CAST: variants seen among roughly 807,000 people sequenced by gnomAD.
The protein encoded by CAST is calpastatin.
In CAST, 76 loss-of-function variants were observed where a neutral mutation model predicts 119.6. The observed-to-expected ratio is 0.64, with a 90% confidence interval of 0.53 to 0.77. CAST has a LOEUF of 0.77. CAST is among the 30% of genes least tolerant of loss of function. The probability of loss-of-function intolerance (pLI) is 0.00; values close to 1 mark genes in which losing one functional copy is unlikely to be tolerated. For missense variants in CAST, 953 were observed against 946.5 expected, an observed-to-expected ratio of 1.01 and a Z score of -0.09; for synonymous variants, 319 against 331.6, an observed-to-expected ratio of 0.96 and a Z score of 0.41.
chr5:96,573,878 C>G (rs1480245098), intron 1 of CAST, among the ~76,000 whole-genome samples: 5 of 152,026 alleles, frequency 3.3e-5, no homozygotes, highest in Non-Finnish European at 7.4e-5. Context: ...ATAGTATATT[C>G]TTTGTTTCTG....
At chr5:96,429,709 C>T in the CAST span, among the ~76,000 whole-genome samples, 48,180 of 151,976 alleles carry the variant, frequency 0.32, 8,389 homozygotes, top group African/African-American at 0.47. Flanking sequence ...ATGCGGTATT[C>T]GGTTTTCTGT....
At chr5:96,343,804 A>G in the CAST span, among the ~76,000 whole-genome samples, 1 of 152,202 alleles carries the variant, frequency 6.6e-6, no homozygotes. Context: ...ATTTGATCAA[A>G]CACTGTATTT....
intron 3 of CAST, among the ~76,000 whole-genome samples, chr5:96,719,337 T>A (rs967384633): frequency 6.6e-6 from 1 of 152,162 alleles, no homozygotes; most frequent in Admixed American, 6.5e-5. Flanking sequence ...ATTTTTAAAT[T>A]TTTTGTAGAG....
chr5:96,461,814 G>C, the CAST span, among the ~76,000 whole-genome samples: 90 of 152,220 alleles, frequency 5.9e-4, 1 homozygote, highest in African/African-American at 2.1e-3. Context: ...GCTTTTATTT[G>C]AGAAGTCAGG....
At chr5:96,742,822 G>T in intron 16 of CAST, 66 bp downstream of exon 16, 1 of 1,070,698 alleles carries the variant, frequency 9.3e-7, no homozygotes, top group East Asian at 2.5e-5. Flanking sequence ...AATGCACTCT[G>T]CATGTTTAGA....
chr5:96,530,313 A>G (rs1424082977), intron 1 of CAST, among the ~76,000 whole-genome samples: 1 of 152,174 alleles, frequency 6.6e-6, no homozygotes, highest in African/African-American at 2.4e-5. Context: ...ACAGTATTCC[A>G]GGAAGAGGAA....
chr5:96,065,723 G>A, the CAST span, among the ~76,000 whole-genome samples: 2 of 152,104 alleles, frequency 1.3e-5, no homozygotes, highest in African/African-American at 4.8e-5. Context: ...CCCTGGTTTA[G>A]CCCCTCAGCC....
intron 29 of CAST, among the ~76,000 whole-genome samples, chr5:96,768,771 T>C (rs1770996622): frequency 6.6e-6 from 1 of 152,180 alleles, no homozygotes; most frequent in African/African-American, 2.4e-5. Context: ...TACTCTTCAT[T>C]CCTCAGGGCA....
the CAST span, among the ~76,000 whole-genome samples, chr5:96,361,673 C>T: frequency 2.0e-5 from 3 of 151,974 alleles, no homozygotes; most frequent in Non-Finnish European, 4.4e-5. Flanking sequence ...CACTGTCTAA[C>T]CAGTCCTATT....
chr5:96,686,331 A>G (rs532997836), intron 2 of CAST, among the ~76,000 whole-genome samples: 1 of 152,308 alleles, frequency 6.6e-6, no homozygotes, highest in Admixed American at 6.5e-5. Context: ...AAATTATTGA[A>G]GAAAAGAGTG....
the CAST span, among the ~76,000 whole-genome samples, chr5:96,045,970 C>T: frequency 2.6e-5 from 4 of 152,066 alleles, no homozygotes; most frequent in Non-Finnish European, 5.9e-5. Flanking sequence ...GTTTCCTCCC[C>T]GATTTTTAAC....
At chr5:96,244,538 AG>A in the CAST span, among the ~76,000 whole-genome samples, 1 of 152,194 alleles carries the variant, frequency 6.6e-6, no homozygotes, top group East Asian at 1.9e-4. Context: ...CCAAAATTAT[AG>A]ATACCGGACA....
chr5:96,409,122 G>A, the CAST span, among the ~76,000 whole-genome samples: 1 of 152,180 alleles, frequency 6.6e-6, no homozygotes, highest in Non-Finnish European at 1.5e-5. Flanking sequence ...TAACTTTAGG[G>A]TAATGAAGAG....
intron 2 of CAST, among the ~76,000 whole-genome samples, chr5:96,694,362 G>T (rs1167674850): frequency 1.3e-5 from 2 of 152,200 alleles, no homozygotes; most frequent in Non-Finnish European, 2.9e-5. Context: ...ACTTGGCCAG[G>T]CACGGTGGCT....
At chr5:95,965,489 C>CTTA in the CAST span, among the ~76,000 whole-genome samples, 1 of 152,166 alleles carries the variant, frequency 6.6e-6, no homozygotes, top group African/African-American at 2.4e-5. Flanking sequence ...AAAGTTAATT[C>CTTA]TTATTAATGT....
chr5:96,629,598 T>G (rs1351370251), intron 1 of CAST, among the ~76,000 whole-genome samples: 3 of 152,206 alleles, frequency 2.0e-5, no homozygotes, highest in African/African-American at 7.2e-5. Context: ...TTTCAGACAG[T>G]GAACATAGTG....
chr5:96,423,492 A>AT, the CAST span: 5 of 1,609,572 alleles, frequency 3.1e-6, no homozygotes, highest in Non-Finnish European at 4.3e-6. Context: ...CATTGATAAA[A>AT]TTATCATTTG....
At chr5:96,495,119 T>C in the CAST span, among the ~76,000 whole-genome samples, 1 of 65,922 alleles carries the variant, frequency 1.5e-5, no homozygotes, top group African/African-American at 5.7e-5. Flanking sequence ...AGCGAGACTG[T>C]CTCAAAAAAA....
At chr5:96,381,019 C>T in the CAST span, among the ~76,000 whole-genome samples, 81 of 152,148 alleles carry the variant, frequency 5.3e-4, no homozygotes, top group African/African-American at 1.8e-3. Context: ...AGAATATCCA[C>T]AACTATGTTC....
Sources: gnomAD v4.1 joint callset for allele counts (sites outside exome capture counted in the v4.1 genomes callset) on GRCh38, gnomAD v4.1.1 for gene constraint, MANE v1.5 for transcripts, NCBI Gene and HGNC (gene_info 2026-07-23, HGNC 2026-07-21) for gene names.